Variants in SGK2 observed in about 807,000 individuals in gnomAD.
The protein encoded by SGK2 is serum/glucocorticoid regulated kinase 2.
A neutral mutation model predicts 47.5 loss-of-function variants in SGK2; 36 were observed. That is an observed-to-expected ratio of 0.76 (90% CI 0.58 to 1.00). The LOEUF (loss-of-function observed/expected upper bound fraction) is 1.00, where lower values mean the gene tolerates loss of function less well. Ranked by LOEUF, SGK2 falls within the 50% of genes least tolerant of loss-of-function variation. SGK2 has a pLI of 0.00. For synonymous variants in SGK2, 157 were observed against 181.9 expected (o/e 0.86, Z 1.10); for missense variants, 404 against 467.4 (o/e 0.86, Z 1.25).
chr20:43,573,974 G>C (rs1002250174), intron 9 of SGK2, among the ~76,000 whole-genome samples: 4 of 152,186 alleles, frequency 2.6e-5, no homozygotes, highest in Non-Finnish European at 4.4e-5. Flanking sequence ...ACAGGCAAGA[G>C]TAGCCATGGT....
intron 12 of SGK2, among the ~76,000 whole-genome samples, chr20:43,581,530 T>C (rs1243715591): frequency 1.3e-5 from 2 of 152,064 alleles, no homozygotes; most frequent in Non-Finnish European, 2.9e-5. Flanking sequence ...TAATGTTTTT[T>C]AGATTCTTTT....
intron 6 of SGK2, among the ~76,000 whole-genome samples, chr20:43,570,402 T>C (rs1386397504): frequency 6.6e-6 from 1 of 152,052 alleles, no homozygotes; most frequent in East Asian, 1.9e-4. Flanking sequence ...ACACAGGAGG[T>C]GCTTAAGCAA....
intron 5 of SGK2, 46 bp downstream of exon 5, chr20:43,568,045 CG>C: frequency 6.5e-7 from 1 of 1,539,796 alleles, no homozygotes; most frequent in Non-Finnish European, 9.0e-7. Context: ...CTTCTCAAGC[CG>C]CAGCCTAGGG....
chr20:43,584,576 T>C (rs1345162974), intron 12 of SGK2, among the ~76,000 whole-genome samples: 1 of 152,212 alleles, frequency 6.6e-6, no homozygotes, highest in East Asian at 1.9e-4. Flanking sequence ...TATCTTGTTC[T>C]CCTGTGTTCC....
rs749566868 is a variant in SGK2, at chr20:43,566,550, C to T, written c.36+19C>T. ...TCCACAGGTGAGTGGTTCTTGGTCC[C>T]CCACCCATCATCGGGGGCTCACTTC... On this transcript the variant is annotated intron_variant, in intron 2 of 12. Transcript: ENST00000373100. 13 of 1,557,868 alleles carry T rather than the reference C, an allele frequency of 8.3e-6. No individual in the cohort carries two copies. The highest frequency in any genetic ancestry group is 4.1e-5 in the African/African-American group (3 of 73,772).
chr20:43,575,268 G>C (rs190217072), intron 10 of SGK2, among the ~76,000 whole-genome samples: 13 of 152,220 alleles, frequency 8.5e-5, no homozygotes, highest in Middle Eastern at 3.4e-3. Flanking sequence ...TTCAAGACCA[G>C]CCTGGCTAAC....
chr20:43,559,916 A>G (rs1270937381), intron 1 of SGK2, among the ~76,000 whole-genome samples: 1 of 152,194 alleles, frequency 6.6e-6, no homozygotes, highest in Non-Finnish European at 1.5e-5. Flanking sequence ...TAGGAAAGGG[A>G]CAGGCTTGAG....
In SGK2 at chr20:43,562,586, C is replaced by CA. The variant is rs1302726914; in HGVS notation, c.-24+3432dup. Among the ~76,000 whole-genome samples the CA allele has an allele frequency of 2.7e-5, 4 of 147,934 alleles. No individual in the cohort carries two copies. The South Asian group carries it at 6.5e-4, about 24-fold the overall frequency. On this transcript the variant is annotated intron_variant, in intron 1 of 12. Coordinates refer to ENST00000373100, the MANE Select transcript of SGK2 (RefSeq NM_170693.3). ...TGAAACCCAGTCTCTACTAAAAATA[C>CA]AAAAATTAGCCAGGCGCAGTGGCGG...
chr20:43,573,020 G>A (rs748974178), intron 9 of SGK2, among the ~76,000 whole-genome samples: 26 of 152,198 alleles, frequency 1.7e-4, no homozygotes, highest in Non-Finnish European at 2.9e-4. Context: ...TGAAGGCCAC[G>A]TGCAACAAGA....
At chr20:43,566,419 G>A in intron 1 of SGK2, 54 bp from the exon 2 acceptor site, 2 of 1,614,140 alleles carry the variant, frequency 1.2e-6, no homozygotes, top group East Asian at 2.2e-5. Flanking sequence ...TGGATGGGCG[G>A]AGCTGACCCC....
At chr20:43,574,373 T>C (rs996199468) in intron 9 of SGK2, among the ~76,000 whole-genome samples, 2 of 152,184 alleles carry the variant, frequency 1.3e-5, no homozygotes, top group African/African-American at 4.8e-5. Flanking sequence ...ACCCTAGGGT[T>C]TCCAGCACAA....
At chr20:43,567,859 C>A in intron 4 of SGK2, 57 bp from the exon 5 acceptor site, 1 of 1,573,860 alleles carries the variant, frequency 6.4e-7, no homozygotes, top group Non-Finnish European at 8.7e-7. Context: ...AGGCCTTGTA[C>A]TGCTGTTGGG....
At chr20:43,565,920 A>C (rs73272174) in intron 1 of SGK2, 1 of 166,560 alleles carries the variant, frequency 6.0e-6, no homozygotes, top group Admixed American at 6.3e-5. Context: ...CATTGGGCAG[A>C]ATTCCTTGTG....
At chr20:43,581,078 T>C (rs1301412453) in intron 12 of SGK2, among the ~76,000 whole-genome samples, 1 of 152,070 alleles carries the variant, frequency 6.6e-6, no homozygotes, top group Non-Finnish European at 1.5e-5. Flanking sequence ...GGTTTCACCA[T>C]GTTAGCCAGG....
Position 43,569,523 on chromosome 20 carries a change from G to A in SGK2, c.360+7G>A, listed in dbSNP as rs1282703738. The A allele has an allele frequency of 2.5e-6, 4 of 1,611,908 alleles. No homozygotes were observed. The highest frequency in any genetic ancestry group is 1.7e-5 in the Admixed American group (1 of 60,016). ...CTATGTCAACGGGGGAGAGGTGGGT[G>A]GGCCCACAGGGAGGCTTCCCTGGGC... On this transcript the variant is annotated splice_region_variant and intron_variant, in intron 6 of 12. Coordinates refer to ENST00000373100, the MANE Select transcript of SGK2 (RefSeq NM_170693.3).
intron 9 of SGK2, among the ~76,000 whole-genome samples, chr20:43,573,190 G>A (rs987870298): frequency 6.6e-6 from 1 of 152,218 alleles, no homozygotes; most frequent in African/African-American, 2.4e-5. Context: ...CAGCCCTGAA[G>A]TTAAAACCTT....
At chr20:43,580,748 A>G (rs1160524939) in intron 12 of SGK2, among the ~76,000 whole-genome samples, 2 of 139,730 alleles carry the variant, frequency 1.4e-5, no homozygotes, top group East Asian at 2.1e-4. Context: ...AAAAAAAAAA[A>G]GGGAATGTAT....
intron 1 of SGK2, among the ~76,000 whole-genome samples, chr20:43,561,587 A>G (rs1474610685): frequency 6.6e-6 from 1 of 151,908 alleles, no homozygotes; most frequent in Non-Finnish European, 1.5e-5. Context: ...ACGGGGTTTC[A>G]CCATGTTGGC....
chr20:43,569,597 G>A, intron 6 of SGK2, 81 bp downstream of exon 6: 1 of 1,501,788 alleles, frequency 6.7e-7, no homozygotes, highest in Admixed American at 1.8e-5. Context: ...TGCATGCCAA[G>A]TTCTGGAATG....
Sources: allele counts gnomAD v4.1 joint callset (sites outside exome capture counted in the v4.1 genomes callset), GRCh38; gene constraint gnomAD v4.1.1; transcripts MANE v1.5; gene names NCBI Gene and HGNC (gene_info 2026-07-23, HGNC 2026-07-21).